WWOX: variants seen among roughly 807,000 people sequenced by gnomAD.
The protein encoded by WWOX is WW domain containing oxidoreductase, also known as WW domain-containing oxidoreductase.
WWOX carries 69 observed loss-of-function variants against 46.2 expected under a neutral mutation model. That is an observed-to-expected ratio of 1.49 (90% CI 1.23 to 1.82). The LOEUF is 1.82. Among genes scored for constraint, WWOX ranks in the 40% most tolerant of loss-of-function variants. The pLI, the probability that WWOX is intolerant of heterozygous loss-of-function variation, is 0.00. For synonymous variants in WWOX, 359 were observed against 202.6 expected, an observed-to-expected ratio of 1.77 and a Z score of -6.56; for missense variants, 919 against 542.6, an observed-to-expected ratio of 1.69 and a Z score of -6.89.
At chr16:78,488,504 A>G (rs980917286) in intron 8 of WWOX, among the ~76,000 whole-genome samples, 22 of 152,110 alleles carry the variant, frequency 1.4e-4, no homozygotes, top group African/African-American at 4.8e-4. Context: ...TGATTTTTCA[A>G]CTGGATTTAC....
intron 8 of WWOX, among the ~76,000 whole-genome samples, chr16:78,630,228 G>T (rs2046395951): frequency 6.6e-6 from 1 of 152,174 alleles, no homozygotes; most frequent in Non-Finnish European, 1.5e-5. Context: ...AGGCACTGGG[G>T]TCCTATTTTG....
At chr16:78,351,473 C>A (rs1474388039) in intron 5 of WWOX, among the ~76,000 whole-genome samples, 3 of 152,086 alleles carry the variant, frequency 2.0e-5, no homozygotes, top group Admixed American at 6.5e-5. Flanking sequence ...ATCATATACG[C>A]TTTAGGTGGG....
chr16:78,359,546 T>G (rs1464440869), intron 5 of WWOX, among the ~76,000 whole-genome samples: 1 of 152,172 alleles, frequency 6.6e-6, no homozygotes, highest in East Asian at 1.9e-4. Context: ...ATAAAAAGAC[T>G]TAAAATGAGT....
chr16:78,649,500 C>T (rs1171996466), intron 8 of WWOX, among the ~76,000 whole-genome samples: 1 of 152,110 alleles, frequency 6.6e-6, no homozygotes, highest in Non-Finnish European at 1.5e-5. Flanking sequence ...TGGTGTTGAA[C>T]TCCTGGCCTC....
chr16:79,209,691 C>G (rs182682711), intron 8 of WWOX, among the ~76,000 whole-genome samples: 75 of 152,242 alleles, frequency 4.9e-4, no homozygotes, highest in Admixed American at 4.3e-3. Context: ...AGATTCCAGG[C>G]CAAAATAATA....
chr16:78,806,060 G>A (rs185146081), intron 8 of WWOX, among the ~76,000 whole-genome samples: 218 of 152,282 alleles, frequency 1.4e-3, no homozygotes, highest in African/African-American at 5.1e-3. Context: ...ATAGATCTTA[G>A]CAGTCAAAGC....
chr16:79,212,019 T>C lies in WWOX; in HGVS notation c.*223T>C, dbSNP rs1396031474. 6.5e-7 allele frequency: 1 copy of C among 1,536,238 alleles called. No homozygotes were observed. Among genetic ancestry groups the C allele is most frequent in the Admixed American group, 2.0e-5 (1 of 50,998 alleles). On this transcript the variant is annotated 3_prime_UTR_variant, in exon 9 of 9. Coordinates refer to ENST00000566780, the MANE Select transcript of WWOX (RefSeq NM_016373.4). ...TGGGGCTGGGCTAGGCATAGGTCTCTTTGCTTTCTGGTGGTGGCCTGTTTG... is the reference window on the plus strand; with the variant it reads ...TGGGGCTGGGCTAGGCATAGGTCTCCTTGCTTTCTGGTGGTGGCCTGTTTG...
chr16:78,947,519 GAGCCTTTCGGCTGGAAAGCTC>G (rs759233680), intron 8 of WWOX, among the ~76,000 whole-genome samples: 160 of 152,302 alleles, frequency 1.1e-3, no homozygotes, highest in Non-Finnish European at 1.7e-3. Flanking sequence ...AGTCGGCTGG[GAGCCTTTCGGCTGGAAAGCTC>G]TTCCTCTGAT....
intron 8 of WWOX, among the ~76,000 whole-genome samples, chr16:78,679,482 C>T (rs1198207195): frequency 6.6e-6 from 1 of 152,094 alleles, no homozygotes; most frequent in South Asian, 2.1e-4. Flanking sequence ...TCCCGGGGGG[C>T]AGAGGTTGCA....
At chr16:78,636,865 A>G (rs976742260) in intron 8 of WWOX, among the ~76,000 whole-genome samples, 1 of 152,176 alleles carries the variant, frequency 6.6e-6, no homozygotes, top group African/African-American at 2.4e-5. Flanking sequence ...CCTGAGCTGC[A>G]TCATTTAAAG....
At chr16:78,740,287 C>T (rs1335970170) in intron 8 of WWOX, among the ~76,000 whole-genome samples, 1 of 152,196 alleles carries the variant, frequency 6.6e-6, no homozygotes, top group East Asian at 1.9e-4. Context: ...CTGCACTGTC[C>T]TCTGTGCTTC....
chr16:79,140,850 A>G (rs1002271150), intron 8 of WWOX, among the ~76,000 whole-genome samples: 1 of 152,080 alleles, frequency 6.6e-6, no homozygotes, highest in African/African-American at 2.4e-5. Context: ...TGTCACTCAA[A>G]CAGTTTCCGT....
intron 8 of WWOX, among the ~76,000 whole-genome samples, chr16:79,102,742 G>T (rs1049739884): frequency 1.3e-5 from 2 of 151,934 alleles, no homozygotes; most frequent in African/African-American, 4.8e-5. Flanking sequence ...GAAGCTAAAG[G>T]GTACATGTTT....
intron 6 of WWOX, among the ~76,000 whole-genome samples, chr16:78,409,574 A>G (rs1489482784): frequency 6.6e-6 from 1 of 152,194 alleles, no homozygotes; most frequent in Non-Finnish European, 1.5e-5. Flanking sequence ...CAGCAAACAT[A>G]CACTATCTCA....
chr16:78,490,771 C>G (rs1188749533), intron 8 of WWOX, among the ~76,000 whole-genome samples: 1 of 152,212 alleles, frequency 6.6e-6, no homozygotes, highest in African/African-American at 2.4e-5. Context: ...CCAAGCACCC[C>G]TTACCCAGCA....
chr16:78,887,074 TGTG>T (rs1555559544), intron 8 of WWOX, among the ~76,000 whole-genome samples: 1 of 21,288 alleles, frequency 4.7e-5, no homozygotes, highest in African/African-American at 7.2e-5. Flanking sequence ...TGTGTGTGTG[TGTG>T]GTGTGTGTGT....
intron 8 of WWOX, among the ~76,000 whole-genome samples, chr16:79,152,652 AGAGT>A (rs2050303680): frequency 7.3e-5 from 11 of 150,480 alleles, no homozygotes; most frequent in Admixed American, 7.3e-4. Flanking sequence ...GCTTGGCGAC[AGAGT>A]GAGTCTCCAT....
At chr16:78,791,018 C>G (rs1479583721) in intron 8 of WWOX, among the ~76,000 whole-genome samples, 1 of 62,454 alleles carries the variant, frequency 1.6e-5, no homozygotes, top group Non-Finnish European at 2.8e-5. Flanking sequence ...GACCCTGTCT[C>G]AAAAAAAAAA....
chr16:78,131,992 C>G (rs962760558), intron 4 of WWOX, among the ~76,000 whole-genome samples: 4 of 149,728 alleles, frequency 2.7e-5, no homozygotes, highest in African/African-American at 7.4e-5. Context: ...AGTCTTACTA[C>G]TAGTCTCTGA....
Sources: allele counts gnomAD v4.1 joint callset (sites outside exome capture counted in the v4.1 genomes callset), GRCh38; gene constraint gnomAD v4.1.1; transcripts MANE v1.5; gene names NCBI Gene and HGNC (gene_info 2026-07-23, HGNC 2026-07-21).